Variants in TTLL11 observed in about 807,000 individuals in gnomAD.
The protein encoded by TTLL11 is tubulin polyglutamylase TTLL11.
In TTLL11, 42 loss-of-function variants were observed where a neutral mutation model predicts 51.7. The ratio of observed to expected loss-of-function variants is 0.81; its 90% CI spans 0.64 to 1.05. The LOEUF (loss-of-function observed/expected upper bound fraction) is 1.05, where lower values mean the gene tolerates loss of function less well. Among genes scored for constraint, TTLL11 ranks in the 50% least tolerant of loss-of-function variants. The pLI is 0.00. For synonymous variants in TTLL11, 381 were observed against 383.5 expected (o/e 0.99, Z 0.08); for missense variants, 799 against 940.4 (o/e 0.85, Z 1.97).
intron 6 of TTLL11, among the ~76,000 whole-genome samples, chr9:121,877,710 T>A (rs745621647): frequency 6.6e-5 from 10 of 152,140 alleles, no homozygotes; most frequent in Non-Finnish European, 1.2e-4. Flanking sequence ...TTAAAAAAAT[T>A]TAATCTTGAT....
At chr9:122,060,413 A>G (rs1035375281) in intron 1 of TTLL11, among the ~76,000 whole-genome samples, 3 of 152,244 alleles carry the variant, frequency 2.0e-5, no homozygotes, top group African/African-American at 7.2e-5. Context: ...ACTGCTCAGA[A>G]GAGGAATATA....
intron 8 of TTLL11, among the ~76,000 whole-genome samples, chr9:121,834,482 C>CTT (rs57838645): frequency 0.042 from 6,078 of 145,066 alleles, 284 homozygotes; most frequent in African/African-American, 0.11. Context: ...CCCTGAGTGG[C>CTT]TTTTTTTTTT....
At position 121,989,393 on chromosome 9, in the gene TTLL11, C is replaced by G. The variant is rs765143138; in HGVS notation, c.1071G>C (p.Ser357=). The G allele has an allele frequency of 3.7e-6, 6 of 1,613,926 alleles. No individual in the cohort carries two copies. The South Asian group carries it at 6.6e-5, about 18-fold the overall frequency. Residue 357 remains serine, a synonymous_variant, in exon 4 of 9, where the codon TCG becomes TCC. Transcript: ENST00000321582. This position sits in a 1 kb window ranked among gnomAD's most constrained non-coding sequence, Gnocchi z 4.2. The stretch of plus-strand genomic sequence containing the variant: ...TTTTGCTGCCAGTGCTAGCACTGTC[C>G]GAGTGGATGAAGTTGCCGCTGTGGA... ...LNIHSGNFIH[S]DSASTGSKRT...
chr9:121,949,292 C>A (rs1841778609), intron 6 of TTLL11, among the ~76,000 whole-genome samples: 1 of 152,176 alleles, frequency 6.6e-6, no homozygotes, highest in Admixed American at 6.5e-5. Flanking sequence ...AGCTTCAGGG[C>A]TGATTTGGGG....
intron 1 of TTLL11, among the ~76,000 whole-genome samples, chr9:122,042,092 C>T (rs1294292617): frequency 6.6e-6 from 1 of 151,602 alleles, no homozygotes; most frequent in East Asian, 1.9e-4. Context: ...TCACTGCAAC[C>T]TCTGCCTCCT....
At chr9:121,948,616 T>C (rs185979896) in intron 6 of TTLL11, among the ~76,000 whole-genome samples, 24 of 152,134 alleles carry the variant, frequency 1.6e-4, no homozygotes, top group Non-Finnish European at 3.1e-4. Context: ...ATGGTCCCAG[T>C]TTACAGATGC....
chr9:121,827,362 T>C (rs907793608), intron 8 of TTLL11, among the ~76,000 whole-genome samples: 1 of 152,040 alleles, frequency 6.6e-6, no homozygotes, highest in African/African-American at 2.4e-5. Flanking sequence ...CTTGAACCCT[T>C]GTTTAGCATT....
Position 122,075,246 on chromosome 9 carries a change from C to T in TTLL11, c.462+17441G>A, listed in dbSNP as rs189507059. 3.1e-3 allele frequency among the ~76,000 whole-genome samples: 471 copies of T among 152,226 alleles called. 1 individual carries two copies. The highest frequency in any genetic ancestry group is 4.7e-3 in the Non-Finnish European group (320 of 68,022). ...GGAATGGGTCCCTTTTTCTAATTCA[C>T]ACAAAACATGATGGGCGAGTAGGGA... On this transcript the variant is annotated intron_variant, in intron 1 of 8. Transcript: ENST00000321582.
At chr9:121,861,086 T>TG (rs1837990705) in intron 7 of TTLL11, among the ~76,000 whole-genome samples, 1 of 102,388 alleles carries the variant, frequency 9.8e-6, no homozygotes, top group Non-Finnish European at 1.9e-5. Flanking sequence ...GCAAGGCAAG[T>TG]GTTTTTTTTT....
intron 8 of TTLL11, among the ~76,000 whole-genome samples, chr9:121,849,808 G>A (rs1256352659): frequency 6.6e-6 from 1 of 152,136 alleles, no homozygotes; most frequent in Non-Finnish European, 1.5e-5. Flanking sequence ...ATGCAAAATG[G>A]TACTACTACT....
rs137880274 is a variant in TTLL11, at chr9:121,938,115, C to T, written c.1481+35894G>A. ...CCATCCTGGCCAACATGGTGAAATC[C>T]GGTCTCTACTAAAAATACAAAACAT... On this transcript the variant is annotated intron_variant, in intron 6 of 8. Coordinates refer to ENST00000321582, the MANE Select transcript of TTLL11 (RefSeq NM_001139442.2). 8.4e-3 allele frequency among the ~76,000 whole-genome samples: 1,272 copies of T among 152,036 alleles called. 8 individuals are homozygous for T. The highest frequency in any genetic ancestry group is 0.015 in the Non-Finnish European group (1,050 of 67,992).
intron 6 of TTLL11, among the ~76,000 whole-genome samples, chr9:121,940,214 C>T (rs1436292470): frequency 6.6e-6 from 1 of 152,156 alleles, no homozygotes; most frequent in Non-Finnish European, 1.5e-5. Context: ...GATTCATAGT[C>T]ATAAATCCTC....
At chr9:121,862,420 G>C (rs1434449384) in intron 7 of TTLL11, among the ~76,000 whole-genome samples, 1 of 152,078 alleles carries the variant, frequency 6.6e-6, no homozygotes, top group Non-Finnish European at 1.5e-5. Flanking sequence ...CCTGTCACCT[G>C]GTAGGCCCAC....
Position 122,059,416 on chromosome 9 carries a change from T to G in TTLL11, c.463-20048A>C, listed in dbSNP as rs1376248236. On this transcript the variant is annotated intron_variant, in intron 1 of 8. Transcript: ENST00000321582. ...GCTATTATCATACCCATTTAACAGA[T>G]GAGGAAACTGAGGCACAGGGACGTC... 2.0e-5 allele frequency among the ~76,000 whole-genome samples: 3 copies of G among 152,090 alleles called. No homozygotes were observed. The South Asian group carries it at 6.2e-4, about 32-fold the overall frequency.
intron 1 of TTLL11, among the ~76,000 whole-genome samples, chr9:122,043,567 A>G (rs1844907230): frequency 6.6e-6 from 1 of 152,176 alleles, no homozygotes; most frequent in Non-Finnish European, 1.5e-5. Context: ...TAACACTAGA[A>G]ATACAGAAAA....
At chr9:122,056,324 T>G (rs781689436) in intron 1 of TTLL11, among the ~76,000 whole-genome samples, 1 of 152,218 alleles carries the variant, frequency 6.6e-6, no homozygotes, top group African/African-American at 2.4e-5. Context: ...CAATAATTTC[T>G]GTAATAATAA....
chr9:121,865,882 T>C (rs1004070761), intron 7 of TTLL11, among the ~76,000 whole-genome samples: 3 of 152,046 alleles, frequency 2.0e-5, no homozygotes, highest in East Asian at 1.9e-4. Flanking sequence ...AAAAGAAAAA[T>C]AGAATATGGC....
Position 121,842,937 on chromosome 9 carries a change from C to T in TTLL11, c.1840+17400G>A, listed in dbSNP as rs915619836. 3.3e-5 allele frequency among the ~76,000 whole-genome samples: 5 copies of T among 152,310 alleles called. No individual in the cohort carries two copies. In the South Asian group the frequency reaches 1.0e-3, roughly 32 times the overall value. ...AACCTCTCTGAGCCTTAGCTTTCTTCTCTGTAACCTGGAGTACAGAGCTTA... is the reference window on the plus strand; with the variant it reads ...AACCTCTCTGAGCCTTAGCTTTCTTTTCTGTAACCTGGAGTACAGAGCTTA... On this transcript the variant is annotated intron_variant, in intron 8 of 8. Coordinates refer to ENST00000321582, the MANE Select transcript of TTLL11 (RefSeq NM_001139442.2).
intron 6 of TTLL11, among the ~76,000 whole-genome samples, chr9:121,916,819 T>G (rs1019715440): frequency 6.6e-6 from 1 of 152,206 alleles, no homozygotes; most frequent in African/African-American, 2.4e-5. Context: ...GTTAAGATTT[T>G]TATTACTTTA....
Sources: allele counts gnomAD v4.1 joint callset (sites outside exome capture counted in the v4.1 genomes callset), GRCh38; gene constraint gnomAD v4.1.1; non-coding constraint Gnocchi (gnomAD v3.1); transcripts MANE v1.5; gene names NCBI Gene and HGNC (gene_info 2026-07-23, HGNC 2026-07-21).